The following SCAND3 variants were observed in gnomAD, a reference collection of about 807,000 sequenced individuals.
The protein encoded by SCAND3 is SCAN domain containing 3.
the SCAND3 span, chr6:28,579,233 C>T: frequency 6.3e-7 from 1 of 1,587,048 alleles, no homozygotes; most frequent in Non-Finnish European, 8.6e-7. This position sits in a 1 kb window ranked among gnomAD's most constrained non-coding sequence, Gnocchi z 4.5. Context: ...TTCATTCTCC[C>T]AAGTCTCACC....
At chr6:28,598,742 C>T in the SCAND3 span, among the ~76,000 whole-genome samples, 8 of 146,324 alleles carry the variant, frequency 5.5e-5, no homozygotes, top group Admixed American at 6.7e-5. Flanking sequence ...CTGAGTGCGG[C>T]GGCGCGCACT....
At chr6:28,588,650 CA>C in the SCAND3 span, among the ~76,000 whole-genome samples, 1 of 152,150 alleles carries the variant, frequency 6.6e-6, no homozygotes, top group African/African-American at 2.4e-5. This position sits in a 1 kb window ranked among gnomAD's most constrained non-coding sequence, Gnocchi z 4.1. Context: ...AACTGAGTCA[CA>C]ATTATAACTC....
At chr6:28,614,740 C>T in the SCAND3 span, among the ~76,000 whole-genome samples, 1 of 152,218 alleles carries the variant, frequency 6.6e-6, no homozygotes, top group African/African-American at 2.4e-5. Context: ...GCTGGGATTA[C>T]AGGTGTGAGC....
At chr6:28,604,917 T>C in the SCAND3 span, among the ~76,000 whole-genome samples, 12 of 152,350 alleles carry the variant, frequency 7.9e-5, no homozygotes, top group South Asian at 1.7e-3. Context: ...TCTGCAGGCC[T>C]AACTCGGGGA....
chr6:28,610,185 C>T, the SCAND3 span, among the ~76,000 whole-genome samples: 4 of 151,992 alleles, frequency 2.6e-5, no homozygotes, highest in Non-Finnish European at 4.4e-5. Context: ...TTAAAATAAC[C>T]TTAATTTTTT....
At chr6:28,599,309 G>A in the SCAND3 span, among the ~76,000 whole-genome samples, 4 of 152,124 alleles carry the variant, frequency 2.6e-5, no homozygotes, top group Admixed American at 6.5e-5. Flanking sequence ...AAAAACAAAC[G>A]AACTCGAAAT....
the SCAND3 span, among the ~76,000 whole-genome samples, chr6:28,610,720 T>C: frequency 5.9e-5 from 9 of 152,196 alleles, no homozygotes; most frequent in African/African-American, 1.9e-4. Flanking sequence ...TATTATGCTT[T>C]TTTACACATC....
At chr6:28,584,346 T>C in the SCAND3 span, among the ~76,000 whole-genome samples, 2,904 of 151,134 alleles carry the variant, frequency 0.019, 40 homozygotes, top group African/African-American at 0.039. Flanking sequence ...AAAAGACAAT[T>C]TTTTTCTCTT....
the SCAND3 span, chr6:28,570,835 G>C: frequency 6.6e-6 from 1 of 152,164 alleles, no homozygotes; most frequent in Non-Finnish European, 1.5e-5. Flanking sequence ...ACAGACACAA[G>C]AGCAGATATT....
At chr6:28,593,239 T>C in the SCAND3 span, among the ~76,000 whole-genome samples, 1 of 151,980 alleles carries the variant, frequency 6.6e-6, no homozygotes, top group African/African-American at 2.4e-5. Context: ...GATTACAAAA[T>C]AGGCAAAGGA....
chr6:28,583,825 T>G, the SCAND3 span, among the ~76,000 whole-genome samples: 1 of 152,194 alleles, frequency 6.6e-6, no homozygotes, highest in Admixed American at 6.5e-5. Flanking sequence ...CACCTTCCAT[T>G]TGTGCCTCAG....
the SCAND3 span, among the ~76,000 whole-genome samples, chr6:28,600,559 G>C: frequency 6.6e-6 from 1 of 152,130 alleles, no homozygotes; most frequent in Admixed American, 6.5e-5. Flanking sequence ...TTTGAGCCCA[G>C]GAGATTGCAG....
the SCAND3 span, chr6:28,572,245 T>G: frequency 6.2e-7 from 1 of 1,613,586 alleles, no homozygotes; most frequent in South Asian, 1.1e-5. The surrounding 1 kb of genome is among the most constrained non-coding windows in gnomAD (Gnocchi z 4.1). Context: ...ATTTAAGTTA[T>G]CTTTTGATGA....
At chr6:28,594,030 C>A in the SCAND3 span, among the ~76,000 whole-genome samples, 1 of 152,100 alleles carries the variant, frequency 6.6e-6, no homozygotes, top group Non-Finnish European at 1.5e-5. Context: ...CAATCTTTCA[C>A]CTTTTTGACA....
chr6:28,601,596 T>C, the SCAND3 span, among the ~76,000 whole-genome samples: 1 of 152,134 alleles, frequency 6.6e-6, no homozygotes. Context: ...CTCAGTTCAC[T>C]GCAGCCTCCG....
At chr6:28,589,915 C>G in the SCAND3 span, 1 of 137,106 alleles carries the variant, frequency 7.3e-6, no homozygotes. Flanking sequence ...CGCCCCTTTT[C>G]CCTATCCCCC....
chr6:28,614,312 G>T, the SCAND3 span, among the ~76,000 whole-genome samples: 1 of 151,994 alleles, frequency 6.6e-6, no homozygotes, highest in Non-Finnish European at 1.5e-5. Context: ...TTAGCAAAAA[G>T]ATATTTTTAA....
At chr6:28,607,525 TTTTTC>T in the SCAND3 span, among the ~76,000 whole-genome samples, 3 of 151,706 alleles carry the variant, frequency 2.0e-5, no homozygotes, top group African/African-American at 4.8e-5. Context: ...CACTGTTTTT[TTTTTC>T]TTTTCTTTTT....
chr6:28,591,915 G>C, the SCAND3 span, among the ~76,000 whole-genome samples: 1 of 152,146 alleles, frequency 6.6e-6, no homozygotes, highest in Admixed American at 6.6e-5. Context: ...AATGGTAGCT[G>C]ATTTCCTGAG....
Sources: allele counts gnomAD v4.1 joint callset (sites outside exome capture counted in the v4.1 genomes callset), GRCh38; gene constraint gnomAD v4.1.1; non-coding constraint Gnocchi (gnomAD v3.1); transcripts MANE v1.5; gene names NCBI Gene and HGNC (gene_info 2026-07-23, HGNC 2026-07-21).